ADCY5: variants seen among roughly 807,000 people sequenced by gnomAD.
The protein encoded by ADCY5 is adenylate cyclase 5, also known as adenylate cyclase type 5.
Under a neutral mutation model 119.7 loss-of-function variants are expected in ADCY5, and 30 were observed. The observed-to-expected ratio is 0.25, with a 90% CI of 0.19 to 0.34. ADCY5 has a LOEUF of 0.34. Among genes scored for constraint, ADCY5 ranks in the 10% least tolerant of loss-of-function variants. The pLI, the probability that ADCY5 is intolerant of heterozygous loss-of-function variation, is 1.00. For synonymous variants in ADCY5, 753 were observed against 762.2 expected, an observed-to-expected ratio of 0.99 and a Z score of 0.20; for missense variants, 1,324 against 1,775.2, an observed-to-expected ratio of 0.75 and a Z score of 4.57.
At chr3:123,436,362 G>T (rs1945617261) in intron 1 of ADCY5, among the ~76,000 whole-genome samples, 1 of 152,016 alleles carries the variant, frequency 6.6e-6, no homozygotes, top group African/African-American at 2.4e-5. Flanking sequence ...AACAGAGTAA[G>T]ACCTTGTCTC....
chr3:123,448,720 A>C lies in ADCY5; in HGVS notation c.-175T>G, dbSNP rs929307427. 33 of 491,614 alleles carry C rather than the reference A, an allele frequency of 6.7e-5. No homozygotes were observed. Among genetic ancestry groups the C allele is most frequent in the Non-Finnish European group, 1.0e-4 (32 of 312,190 alleles). The allele number at this position is 491,614 out of a possible 1,614,324, so 30.5% of individuals were successfully genotyped here. A position where few individuals can be genotyped will look rare whatever the true frequency, so the allele number is the denominator to read the frequency against. ...GCACCCCCGTCCTGAGCGGAGGAGG[A>C]GGGCACAGCCCCGAGGTGAGAAGTA... On this transcript the variant is annotated 5_prime_UTR_variant, in exon 1 of 21. Transcript: ENST00000462833.
intron 11 of ADCY5, among the ~76,000 whole-genome samples, chr3:123,317,430 T>C (rs1940973314): frequency 6.6e-6 from 1 of 151,944 alleles, no homozygotes; most frequent in Non-Finnish European, 1.5e-5. Flanking sequence ...ACGAGACAAT[T>C]AAGTGATAAA....
chr3:123,397,846 G>A (rs959249245), intron 1 of ADCY5, among the ~76,000 whole-genome samples: 2 of 152,196 alleles, frequency 1.3e-5, no homozygotes, highest in African/African-American at 2.4e-5. Context: ...CTCAAACCCT[G>A]GCTGGACAGA....
At chr3:123,305,859 G>A (rs780569149) in intron 12 of ADCY5, among the ~76,000 whole-genome samples, 13 of 152,278 alleles carry the variant, frequency 8.5e-5, no homozygotes, top group Admixed American at 1.3e-4. Flanking sequence ...CACAAAGATG[G>A]ATAGATCACA....
chr3:123,403,381 A>C (rs959406555), intron 1 of ADCY5, among the ~76,000 whole-genome samples: 53 of 78,766 alleles, frequency 6.7e-4, no homozygotes, highest in Non-Finnish European at 1.4e-3. Context: ...ACCCTGTCTC[A>C]AAAAAAAAAA....
chr3:123,346,057 C>G (rs1942535511), intron 3 of ADCY5, among the ~76,000 whole-genome samples: 1 of 152,212 alleles, frequency 6.6e-6, no homozygotes, highest in East Asian at 1.9e-4. Flanking sequence ...CAGTACAGCC[C>G]TCTTCTTTGC....
intron 2 of ADCY5, among the ~76,000 whole-genome samples, chr3:123,350,548 G>A (rs898545633): frequency 6.6e-6 from 1 of 152,220 alleles, no homozygotes; most frequent in African/African-American, 2.4e-5. Context: ...TGAGGGCCAG[G>A]AGGGGTGGGC....
chr3:123,332,783 C>T, intron 3 of ADCY5, 108 bp from the exon 4 acceptor site: 1 of 764,326 alleles, frequency 1.3e-6, no homozygotes, highest in Non-Finnish European at 2.2e-6. Context: ...AAGAAGAGGT[C>T]TTGCTCTATT....
chr3:123,442,502 T>C lies in ADCY5; in HGVS notation c.1134+4910A>G, dbSNP rs117994755. Among the ~76,000 whole-genome samples, 225 of 152,358 alleles carry C rather than the reference T, an allele frequency of 1.5e-3. 1 individual carries two copies. In the East Asian group the frequency reaches 0.025, roughly 17 times the overall value. ...TAGGAGAGTTCCTGTCCAAGCATTA[T>C]AAACTGATTTTGAAACTCTCTGTGA... On this transcript the variant is annotated intron_variant, in intron 1 of 20. Coordinates refer to ENST00000462833, the MANE Select transcript of ADCY5 (RefSeq NM_183357.3).
In ADCY5 at chr3:123,341,098, C is replaced by T. The variant is rs1363457443; in HGVS notation, c.1406+6684G>A. On this transcript the variant is annotated intron_variant, in intron 3 of 20. Coordinates refer to ENST00000462833, the MANE Select transcript of ADCY5 (RefSeq NM_183357.3). ...CAAGATCATGCCACTGTACTCCAGC[C>T]TGGGTGACAGAGTGAGACTCCATCT... 3.9e-5 allele frequency among the ~76,000 whole-genome samples: 6 copies of T among 152,096 alleles called. No homozygotes were observed. In the East Asian group the frequency reaches 1.2e-3, roughly 29 times the overall value.
intron 1 of ADCY5, among the ~76,000 whole-genome samples, chr3:123,381,574 C>T (rs1276734971): frequency 6.6e-6 from 1 of 152,228 alleles, no homozygotes; most frequent in Non-Finnish European, 1.5e-5. Flanking sequence ...TGCAGCTGCA[C>T]AGGGCTCCAC....
In ADCY5 at chr3:123,448,394, CG is replaced by C; in HGVS notation, c.151del (p.Arg51AlafsTer11). ...CCCCCCGGGTTTCTTGGTGGAGCCG[CG>C]GGCAGAGCCCCCGGGGGCATGGGGG... ...GYPHAPGGSARGSTKKPGGAV... is the reference protein window; with the variant it reads ...GYPHAPGGSAXGSTKKPGGAV... On this transcript the variant is annotated frameshift_variant, in exon 1 of 21. Coordinates refer to ENST00000462833, the MANE Select transcript of ADCY5 (RefSeq NM_183357.3). LOFTEE classifies it high-confidence loss of function. 6.9e-7 allele frequency: 1 copy of C among 1,450,004 alleles called. No homozygotes were observed. Among genetic ancestry groups the C allele is most frequent in the Non-Finnish European group, 9.0e-7 (1 of 1,108,746 alleles). 89.8% of individuals were successfully genotyped at this position (1,450,004 alleles called of 1,614,324 possible).
At chr3:123,438,039 G>C (rs1945652402) in intron 1 of ADCY5, among the ~76,000 whole-genome samples, 1 of 152,124 alleles carries the variant, frequency 6.6e-6, no homozygotes, top group Non-Finnish European at 1.5e-5. Flanking sequence ...TGAGGGAGGA[G>C]AGCCACCAAA....
At chr3:123,432,229 C>T (rs774087264) in intron 1 of ADCY5, among the ~76,000 whole-genome samples, 45 of 152,306 alleles carry the variant, frequency 3.0e-4, no homozygotes, top group Admixed American at 1.2e-3. Context: ...AAAGAATAAA[C>T]AATCCTCTTT....
chr3:123,376,783 G>A (rs566113142), intron 1 of ADCY5, among the ~76,000 whole-genome samples: 1 of 152,316 alleles, frequency 6.6e-6, no homozygotes, highest in Admixed American at 6.5e-5. Flanking sequence ...AAACCAGGAC[G>A]AGCCCTCAGC....
rs1204714724 is a variant in ADCY5 at position 123,352,970 on chromosome 3, A to T, written c.1135-389T>A. Among the ~76,000 whole-genome samples, 1 of 152,222 alleles carries T rather than the reference A, an allele frequency of 6.6e-6. No individual in the cohort carries two copies. Among genetic ancestry groups the T allele is most frequent in the East Asian group, 1.9e-4 (1 of 5,198 alleles). ...CTGGGATTTCACTTTTGAAAGTGTGATAGAGTCCAGTACAGGACAAGGGGC... is the reference window on the plus strand; with the variant it reads ...CTGGGATTTCACTTTTGAAAGTGTGTTAGAGTCCAGTACAGGACAAGGGGC... On this transcript the variant is annotated intron_variant, in intron 1 of 20. Coordinates refer to ENST00000462833, the MANE Select transcript of ADCY5 (RefSeq NM_183357.3). The surrounding 1 kb of genome is among the most constrained non-coding windows in gnomAD (Gnocchi z 4.8).
chr3:123,352,523 T>A lies in ADCY5; in HGVS notation c.1193A>T (p.Tyr398Phe). 1 of 1,613,920 alleles carries A rather than the reference T, an allele frequency of 6.2e-7. No homozygotes were observed. The highest frequency in any genetic ancestry group is 8.5e-7 in the Non-Finnish European group (1 of 1,179,928). ...CTGTCTCTGGGAGACCTCAGCCGGA[T>A]AGTGGGTGCAGACACCCACGATGTT... The part of the protein sequence containing the change: ...CTNIVGVCTH[Y>F]PAEVSQRQAF... Residue 398 changes from tyrosine to phenylalanine, a missense_variant, in exon 2 of 21, where the codon TAT becomes TTT. By Grantham distance (22) the Tyr-to-Phe change is conservative. Transcript: ENST00000462833. The surrounding 1 kb of genome is among the most constrained non-coding windows in gnomAD (Gnocchi z 4.8).
intron 1 of ADCY5, among the ~76,000 whole-genome samples, chr3:123,370,429 G>A (rs1242868138): frequency 6.6e-6 from 1 of 152,204 alleles, no homozygotes; most frequent in African/African-American, 2.4e-5. Flanking sequence ...CTTGCAGCAA[G>A]GTGTGGTCAT....
intron 12 of ADCY5, among the ~76,000 whole-genome samples, chr3:123,305,434 G>A (rs960052686): frequency 6.6e-6 from 1 of 152,120 alleles, no homozygotes; most frequent in Non-Finnish European, 1.5e-5. Flanking sequence ...TACAGTATTT[G>A]CTGCCAACTC....
Sources: gnomAD v4.1 joint callset for allele counts (sites outside exome capture counted in the v4.1 genomes callset) on GRCh38, gnomAD v4.1.1 for gene constraint, Gnocchi (gnomAD v3.1) non-coding constraint, MANE v1.5 for transcripts, NCBI Gene and HGNC (gene_info 2026-07-23, HGNC 2026-07-21) for gene names.